Variants in HTR1E observed in about 807,000 individuals in gnomAD.
The protein encoded by HTR1E is 5-hydroxytryptamine receptor 1E.
A neutral mutation model predicts 3.4 loss-of-function variants in HTR1E; 3 were observed. The observed-to-expected ratio is 0.89, with a 90% CI of 0.41 to 2.31. The LOEUF (loss-of-function observed/expected upper bound fraction) is 2.31, where lower values mean the gene tolerates loss of function less well. Ranked by LOEUF, HTR1E falls within the 30% of genes most tolerant of loss-of-function variation. HTR1E has a pLI of 0.05. For synonymous variants in HTR1E, 170 were observed against 182.8 expected (o/e 0.93, Z 0.56); for missense variants, 392 against 467.0 (o/e 0.84, Z 1.48).
chr6:87,010,199 C>T (rs1427162094), intron 1 of HTR1E, among the ~76,000 whole-genome samples: 55 of 104,450 alleles, frequency 5.3e-4, no homozygotes, highest in Middle Eastern at 8.5e-3. Flanking sequence ...GACCCCCCCA[C>T]CTCCCTCCCG....
chr6:87,007,986 A>T (rs1256725788), intron 1 of HTR1E, among the ~76,000 whole-genome samples: 1 of 152,198 alleles, frequency 6.6e-6, no homozygotes, highest in African/African-American at 2.4e-5. Flanking sequence ...AAAAAATACA[A>T]AGGCAAACCA....
chr6:86,941,887 A>AAGGGAAGG (rs1011164635), intron 1 of HTR1E, among the ~76,000 whole-genome samples: 3 of 151,460 alleles, frequency 2.0e-5, no homozygotes, highest in Admixed American at 6.6e-5. Flanking sequence ...GGAAGGAAGG[A>AAGGGAAGG]AGGGAAGGAG....
intron 1 of HTR1E, among the ~76,000 whole-genome samples, chr6:87,005,194 T>C (rs1768083343): frequency 6.6e-6 from 1 of 152,170 alleles, no homozygotes; most frequent in Non-Finnish European, 1.5e-5. Context: ...AGGCAATCCC[T>C]ATCAAAATAC....
chr6:87,010,561 A>G (rs1480430889), intron 1 of HTR1E, among the ~76,000 whole-genome samples: 2 of 140,506 alleles, frequency 1.4e-5, no homozygotes, highest in Admixed American at 7.0e-5. Flanking sequence ...GCGGCCGGGC[A>G]GAGACGCTCC....
chr6:87,009,684 C>CG (rs1228963424), intron 1 of HTR1E, among the ~76,000 whole-genome samples: 11 of 144,592 alleles, frequency 7.6e-5, no homozygotes, highest in Admixed American at 1.3e-4. Context: ...GCTGGCCGGG[C>CG]GGGGGGCCGA....
intron 1 of HTR1E, among the ~76,000 whole-genome samples, chr6:86,984,521 A>C (rs925171701): frequency 6.6e-6 from 1 of 152,226 alleles, no homozygotes; most frequent in Non-Finnish European, 1.5e-5. Flanking sequence ...AAGAAAAAAC[A>C]GGGATGCTGA....
intron 1 of HTR1E, among the ~76,000 whole-genome samples, chr6:86,953,592 A>G (rs919786024): frequency 6.6e-6 from 1 of 152,204 alleles, no homozygotes; most frequent in Non-Finnish European, 1.5e-5. Flanking sequence ...CAGTGAAGAA[A>G]GCAGCAAAGT....
At chr6:86,997,773 T>C (rs1767965081) in intron 1 of HTR1E, among the ~76,000 whole-genome samples, 1 of 151,718 alleles carries the variant, frequency 6.6e-6, no homozygotes, top group Non-Finnish European at 1.5e-5. Flanking sequence ...GTGTAAATAA[T>C]GTAAACATCC....
chr6:86,992,422 A>C (rs1390144399), intron 1 of HTR1E, among the ~76,000 whole-genome samples: 1 of 152,178 alleles, frequency 6.6e-6, no homozygotes, highest in Non-Finnish European at 1.5e-5. Flanking sequence ...TCAAGTTCTC[A>C]AGCCTACTAT....
At chr6:86,979,072 A>G (rs1767677456) in intron 1 of HTR1E, among the ~76,000 whole-genome samples, 2 of 152,242 alleles carry the variant, frequency 1.3e-5, no homozygotes, top group Admixed American at 6.5e-5. Flanking sequence ...AGTGTCCAAG[A>G]TAATTTTCAC....
chr6:86,993,413 G>A (rs924676720), intron 1 of HTR1E, among the ~76,000 whole-genome samples: 36 of 152,260 alleles, frequency 2.4e-4, no homozygotes, highest in African/African-American at 8.7e-4. Flanking sequence ...CAGCAGCCAG[G>A]TGTGGAGTGG....
chr6:86,968,616 T>C (rs1404166196), intron 1 of HTR1E, among the ~76,000 whole-genome samples: 1 of 152,260 alleles, frequency 6.6e-6, no homozygotes, highest in Non-Finnish European at 1.5e-5. Context: ...GTTCCTTTTC[T>C]GTGAACTCTA....
intron 1 of HTR1E, among the ~76,000 whole-genome samples, chr6:86,938,025 C>G (rs1201347465): frequency 6.6e-6 from 1 of 152,244 alleles, no homozygotes; most frequent in East Asian, 1.9e-4. Context: ...GAGAGCATTT[C>G]TTGTTCAAAC....
chr6:87,008,301 G>A (rs1768148410), intron 1 of HTR1E, among the ~76,000 whole-genome samples: 1 of 152,032 alleles, frequency 6.6e-6, no homozygotes, highest in Non-Finnish European at 1.5e-5. Context: ...CCCTGGAGAG[G>A]CAAAGAAAAG....
chr6:87,011,460 T>TG (rs1294089191), intron 1 of HTR1E, among the ~76,000 whole-genome samples: 2 of 152,214 alleles, frequency 1.3e-5, no homozygotes, highest in African/African-American at 4.8e-5. Context: ...GCAACGTAAA[T>TG]GAGTTGATCA....
At chr6:86,969,753 C>G (rs138250528) in intron 1 of HTR1E, among the ~76,000 whole-genome samples, 48 of 152,190 alleles carry the variant, frequency 3.2e-4, no homozygotes, top group Non-Finnish European at 6.0e-4. Context: ...AGGTCCCACA[C>G]GTGACCTAGG....
chr6:87,014,134 T>C (rs1021794604), intron 1 of HTR1E, among the ~76,000 whole-genome samples: 2 of 151,894 alleles, frequency 1.3e-5, no homozygotes, highest in African/African-American at 4.8e-5. Context: ...GGGGGAGTGA[T>C]AGCATTAGGA....
intron 1 of HTR1E, among the ~76,000 whole-genome samples, chr6:87,003,620 G>A (rs917167396): frequency 1.3e-5 from 2 of 151,566 alleles, no homozygotes; most frequent in African/African-American, 2.4e-5. Flanking sequence ...CAAAACCTGT[G>A]GGATACAGCA....
intron 1 of HTR1E, among the ~76,000 whole-genome samples, chr6:86,965,875 G>A (rs1210431721): frequency 6.6e-6 from 1 of 151,990 alleles, no homozygotes; most frequent in Non-Finnish European, 1.5e-5. Flanking sequence ...GGGGGCTGAG[G>A]GATAAAAGAA....
Sources: gnomAD v4.1 joint callset for allele counts (sites outside exome capture counted in the v4.1 genomes callset) on GRCh38, gnomAD v4.1.1 for gene constraint, MANE v1.5 for transcripts, NCBI Gene and HGNC (gene_info 2026-07-23, HGNC 2026-07-21) for gene names.